The following VWF variants were observed in gnomAD, a reference collection of about 807,000 sequenced individuals.
VWF encodes the protein Factor VIII related antigen.
In VWF, 176 loss-of-function variants were observed where a neutral mutation model predicts 308.6. The observed-to-expected ratio is 0.57, with a 90% CI of 0.50 to 0.65. VWF has a LOEUF of 0.65. Among genes scored for constraint, VWF ranks in the 30% least tolerant of loss-of-function variants. The probability of loss-of-function intolerance (pLI) is 0.00; values close to 1 mark genes in which losing one functional copy is unlikely to be tolerated. For synonymous variants in VWF, 1,385 were observed against 1,443.4 expected, an observed-to-expected ratio of 0.96 and a Z score of 0.92; for missense variants, 3,146 against 3,648.2, an observed-to-expected ratio of 0.86 and a Z score of 3.55.
intron 10 of VWF, among the ~76,000 whole-genome samples, chr12:6,068,562 G>A (rs1056288988): frequency 2.6e-5 from 4 of 151,606 alleles, no homozygotes; most frequent in Non-Finnish European, 4.4e-5. Flanking sequence ...CTCTATCTCC[G>A]GGGCTCTCAC....
At chr12:6,099,742 C>A (rs951438826) in intron 5 of VWF, among the ~76,000 whole-genome samples, 18 of 151,910 alleles carry the variant, frequency 1.2e-4, no homozygotes, top group Admixed American at 2.0e-4. Flanking sequence ...AAAATTAATT[C>A]AAGATGGATT....
chr12:5,977,608 G>A (rs575203526), intron 42 of VWF, among the ~76,000 whole-genome samples: 29 of 152,158 alleles, frequency 1.9e-4, no homozygotes, highest in African/African-American at 6.5e-4. Flanking sequence ...GGTGGCTGAT[G>A]TCTGTAATCT....
intron 34 of VWF, among the ~76,000 whole-genome samples, chr12:5,999,280 C>T (rs1943846011): frequency 6.6e-6 from 1 of 152,016 alleles, no homozygotes; most frequent in African/African-American, 2.4e-5. Context: ...AGAGCAGGTG[C>T]TAAAAACACA....
chr12:5,996,994 C>T (rs781693740), intron 34 of VWF, among the ~76,000 whole-genome samples: 8 of 152,156 alleles, frequency 5.3e-5, no homozygotes, highest in Non-Finnish European at 1.0e-4. Context: ...AGACAAACCA[C>T]GACCACATCT....
rs1182156724 is a variant in VWF at position 6,057,979 on chromosome 12, G to C, written c.1599C>G (p.Asp533Glu). Residue 533 changes from aspartate to glutamate, a missense_variant, in exon 14 of 52, where the codon GAC (aspartate) becomes GAG (glutamate). Physicochemically the swap from Asp to Glu is conservative, Grantham distance 45 (BLOSUM62 2). Around this residue, in one of 3 missense-constraint regions of VWF, gnomAD observed 1,304 missense variants for 1,353.0 expected, o/e 0.96. Coordinates refer to ENST00000261405, the MANE Select transcript of VWF (RefSeq NM_000552.5). Reference sequence around the variant, plus strand: ...CCAGCCCAGAGGGGGTAAGGAAGTCGTCGCCCTGGTTGCCATTGTAATTCC... The same window carrying C: ...CCAGCCCAGAGGGGGTAAGGAAGTCCTCGCCCTGGTTGCCATTGTAATTCC... Reference protein sequence around the residue: ...LCGNYNGNQGDDFLTPSGLAE... With the variant: ...LCGNYNGNQGEDFLTPSGLAE... 6.2e-7 allele frequency: 1 copy of C among 1,613,638 alleles called. No individual in the cohort carries two copies. Among genetic ancestry groups the C allele is most frequent in the South Asian group, 1.1e-5 (1 of 91,086 alleles).
rs12369181 is a variant in VWF, at chr12:6,109,695, G to A, written c.532+679C>T. On this transcript the variant is annotated intron_variant, in intron 5 of 51. Transcript: ENST00000261405. ...AGACGGAGTCTCGCTCTGTCGCCCA[G>A]GCTGGAGTGAAGCGGCACGATCACT... Among the ~76,000 whole-genome samples the A allele has an allele frequency of 6.0e-3, 921 of 152,248 alleles. 10 individuals carry two copies. Among genetic ancestry groups the A allele is most frequent in the African/African-American group, 0.02 (843 of 41,550 alleles).
At chr12:6,106,267 G>A (rs1945242618) in intron 5 of VWF, among the ~76,000 whole-genome samples, 1 of 152,074 alleles carries the variant, frequency 6.6e-6, no homozygotes, top group Non-Finnish European at 1.5e-5. Flanking sequence ...TAAAAAGGAA[G>A]AAAATTCTGA....
chr12:6,045,599 G>A (rs115671284), intron 17 of VWF, among the ~76,000 whole-genome samples: 97 of 152,272 alleles, frequency 6.4e-4, no homozygotes, highest in African/African-American at 2.2e-3. Flanking sequence ...CCATGCCCTC[G>A]GGATCTTGCC....
intron 10 of VWF, among the ~76,000 whole-genome samples, chr12:6,069,689 A>G (rs1321229953): frequency 2.0e-5 from 3 of 152,254 alleles, no homozygotes; most frequent in Non-Finnish European, 2.9e-5. Context: ...GAGAATGCAG[A>G]GAAGAGCGTA....
intron 40 of VWF, among the ~76,000 whole-genome samples, chr12:5,983,966 GGATAGATGGATA>G (rs1178094987): frequency 7.8e-6 from 1 of 127,870 alleles, no homozygotes; most frequent in African/African-American, 3.0e-5. Context: ...TAGGATGGAT[GGATAGATGGATA>G]GATAGATAGA....
chr12:5,999,392 G>A (rs893784029), intron 34 of VWF, among the ~76,000 whole-genome samples: 22 of 151,514 alleles, frequency 1.5e-4, no homozygotes, highest in Non-Finnish European at 2.9e-4. Flanking sequence ...TAAAAATAAA[G>A]CAAACGGGAA....
chr12:6,041,332 A>C (rs1944393837), intron 18 of VWF, among the ~76,000 whole-genome samples: 1 of 151,802 alleles, frequency 6.6e-6, no homozygotes, highest in African/African-American at 2.4e-5. Context: ...CAGAAGGCTG[A>C]GGCAGGAGAA....
intron 3 of VWF, among the ~76,000 whole-genome samples, chr12:6,117,981 G>C (rs116593371): frequency 0.012 from 1,765 of 152,260 alleles, 32 homozygotes; most frequent in African/African-American, 0.04. Context: ...TCTGTGGGAC[G>C]GAAACCGACC....
intron 14 of VWF, among the ~76,000 whole-genome samples, chr12:6,057,294 A>G (rs1245986733): frequency 6.7e-6 from 1 of 148,338 alleles, no homozygotes; most frequent in Non-Finnish European, 1.5e-5. Flanking sequence ...GGAAGGTCGA[A>G]GGACGGGGAC....
chr12:6,007,017 A>G (rs1943936526), intron 34 of VWF, among the ~76,000 whole-genome samples: 1 of 152,238 alleles, frequency 6.6e-6, no homozygotes. Context: ...ATAGTGATAA[A>G]TGCATCAATT....
At chr12:5,951,781 G>A (rs1565806560) in intron 50 of VWF, 63 bp downstream of exon 50, 1 of 1,576,618 alleles carries the variant, frequency 6.3e-7, no homozygotes, top group Admixed American at 1.7e-5. Flanking sequence ...GGAGCAAGCT[G>A]CAAAGAGCCC....
At position 6,019,861 on chromosome 12, in the gene VWF, T is replaced by C. The variant is rs1944111247; in HGVS notation, c.3675-118A>G. The C allele has an allele frequency of 2.2e-5, 27 of 1,201,802 alleles. No individual in the cohort carries two copies. The highest frequency in any genetic ancestry group is 3.2e-5 in the Non-Finnish European group (27 of 843,890). 74.4% of individuals were successfully genotyped at this position (1,201,802 alleles called of 1,614,324 possible). On this transcript the variant is annotated intron_variant, in intron 27 of 51. Coordinates refer to ENST00000261405, the MANE Select transcript of VWF (RefSeq NM_000552.5). The surrounding 1 kb of genome is among the most constrained non-coding windows in gnomAD (Gnocchi z 5.8). Reference sequence around the variant, plus strand: ...AGAATCTCCTCTGTTCCACCTGAACTTGAGATCCCATGGACCATTCCACAT... The same window carrying C: ...AGAATCTCCTCTGTTCCACCTGAACCTGAGATCCCATGGACCATTCCACAT...
At chr12:6,048,348 A>G (rs1276967138) in intron 16 of VWF, among the ~76,000 whole-genome samples, 6 of 151,558 alleles carry the variant, frequency 4.0e-5, no homozygotes, top group Admixed American at 6.6e-5. Context: ...TTGTATTTTT[A>G]GTAGAGACGG....
At chr12:6,070,992 T>C (rs1944773090) in intron 10 of VWF, among the ~76,000 whole-genome samples, 1 of 152,236 alleles carries the variant, frequency 6.6e-6, no homozygotes, top group Non-Finnish European at 1.5e-5. Context: ...ATCATGACCA[T>C]ACAGGCCTTA....
Sources: allele counts gnomAD v4.1 joint callset (sites outside exome capture counted in the v4.1 genomes callset), GRCh38; gene constraint gnomAD v4.1.1; regional missense constraint gnomAD v4.1.1; non-coding constraint Gnocchi (gnomAD v3.1); transcripts MANE v1.5; gene names NCBI Gene and HGNC (gene_info 2026-07-23, HGNC 2026-07-21).